Variants in TAFA5 observed in about 807,000 individuals in gnomAD.
TAFA5 encodes the protein TAFA chemokine like family member 5.
Under a neutral mutation model 15.3 loss-of-function variants are expected in TAFA5, and 6 were observed. The observed-to-expected ratio is 0.39, with a 90% confidence interval of 0.21 to 0.77. The LOEUF (loss-of-function observed/expected upper bound fraction) is 0.77. TAFA5 is among the 30% of genes least tolerant of loss of function. TAFA5 has a pLI of 0.41. For synonymous variants in TAFA5, 103 were observed against 80.7 expected (o/e 1.28, Z -1.48); for missense variants, 161 against 193.1 (o/e 0.83, Z 0.98).
At chr22:48,681,468 C>A (rs139387742) in intron 2 of TAFA5, among the ~76,000 whole-genome samples, 1 of 146,778 alleles carries the variant, frequency 6.8e-6, no homozygotes, top group African/African-American at 2.6e-5. Context: ...CACGGTGAAA[C>A]CCTGTCTCTA....
intron 2 of TAFA5, among the ~76,000 whole-genome samples, chr22:48,672,911 A>G (rs1439151094): frequency 6.6e-6 from 1 of 152,204 alleles, no homozygotes; most frequent in South Asian, 2.1e-4. Flanking sequence ...TTTCATCACT[A>G]TAAAGACCAC....
At position 48,566,916 on chromosome 22, in the gene TAFA5, T is replaced by C. The variant is rs1428499194; in HGVS notation, c.112+77212T>C. Among the ~76,000 whole-genome samples the C allele has an allele frequency of 6.6e-6, 1 of 152,142 alleles. No homozygotes were observed. Among genetic ancestry groups the C allele is most frequent in the Non-Finnish European group, 1.5e-5 (1 of 68,006 alleles). On this transcript the variant is annotated intron_variant, in intron 1 of 3. Transcript: ENST00000402357. The surrounding 1 kb of genome is among the most constrained non-coding windows in gnomAD (Gnocchi z 4.5). ...ATTTACGCCTGGGGCCGTCAGTGGG[T>C]TGGGTTTGTCCTTTCTCCTTTGCTC...
rs529899264 is a variant in TAFA5 at position 48,712,181 on chromosome 22, C to T, written c.390+4337C>T. ...AAGTGATTCTCCTGCCTCAGCTTCCCGAGTAGCTGGAATTACAGGCACCCA... is the reference window on the plus strand; with the variant it reads ...AAGTGATTCTCCTGCCTCAGCTTCCTGAGTAGCTGGAATTACAGGCACCCA... On this transcript the variant is annotated intron_variant, in intron 3 of 3. Coordinates refer to ENST00000402357, the MANE Select transcript of TAFA5 (RefSeq NM_001082967.3). Among the ~76,000 whole-genome samples, 321 of 152,308 alleles carry T rather than the reference C, an allele frequency of 2.1e-3. 3 individuals carry two copies. The highest frequency in any genetic ancestry group is 0.015 in the South Asian group (71 of 4,826).
At position 48,684,848 on chromosome 22, in the gene TAFA5, G is replaced by A. The variant is rs187062480; in HGVS notation, c.263-22869G>A. On this transcript the variant is annotated intron_variant, in intron 2 of 3. Coordinates refer to ENST00000402357, the MANE Select transcript of TAFA5 (RefSeq NM_001082967.3). ...GTGCCCGGCACTTACCTCTCGGGGTGCGGCTCCCAGAGGAGCTTCCCAGAG... is the reference window on the plus strand; with the variant it reads ...GTGCCCGGCACTTACCTCTCGGGGTACGGCTCCCAGAGGAGCTTCCCAGAG... Among the ~76,000 whole-genome samples, 492 of 152,332 alleles carry A rather than the reference G, an allele frequency of 3.2e-3. 3 individuals carry two copies. The highest frequency in any genetic ancestry group is 5.3e-3 in the Non-Finnish European group (362 of 68,030).
chr22:48,716,545 C>A (rs1293012329), intron 3 of TAFA5, among the ~76,000 whole-genome samples: 1 of 152,132 alleles, frequency 6.6e-6, no homozygotes, highest in Non-Finnish European at 1.5e-5. Context: ...GGAGGGAAAG[C>A]ATTAGGACAA....
Position 48,490,917 on chromosome 22 carries a change from C to G in TAFA5, c.112+1213C>G, listed in dbSNP as rs1367567936. ...GAGAGCACAGTGGCCCAGGGAGACC[C>G]GGGCAGCCGCGGGATCGGCCTCCGG... On this transcript the variant is annotated intron_variant, in intron 1 of 3. Transcript: ENST00000402357. The surrounding 1 kb of genome is among the most constrained non-coding windows in gnomAD (Gnocchi z 5.8). Among the ~76,000 whole-genome samples the G allele has an allele frequency of 6.6e-6, 1 of 152,162 alleles. No individual in the cohort carries two copies. The highest frequency in any genetic ancestry group is 1.5e-5 in the Non-Finnish European group (1 of 68,018).
In TAFA5 at chr22:48,524,601, C is replaced by A. The variant is rs560454644; in HGVS notation, c.112+34897C>A. On this transcript the variant is annotated intron_variant, in intron 1 of 3. Transcript: ENST00000402357. ...TGGAAGCTGGAGCCTCCGTCCACAG[C>A]CCACCCCTTTTAGGGGCCCCCACAT... Among the ~76,000 whole-genome samples the A allele has an allele frequency of 2.0e-5, 3 of 152,344 alleles. No homozygotes were observed. In the South Asian group the frequency reaches 6.2e-4, roughly 32 times the overall value.
chr22:48,707,637 C>T lies in TAFA5; in HGVS notation c.263-80C>T, dbSNP rs1290706531. The T allele has an allele frequency of 3.5e-5, 53 of 1,527,206 alleles. 2 individuals carry two copies. In the South Asian group the frequency reaches 6.2e-4, roughly 18 times the overall value. 94.6% of individuals were successfully genotyped at this position (1,527,206 alleles called of 1,614,324 possible). ...TGCCTGAGGGCCCCCCCAGCCAGTG[C>T]CAGGACCCAGGTGCCCTCAGCAACA... On this transcript the variant is annotated intron_variant, in intron 2 of 3. Transcript: ENST00000402357.
intron 2 of TAFA5, among the ~76,000 whole-genome samples, chr22:48,695,714 C>T (rs931539245): frequency 1.3e-5 from 2 of 152,112 alleles, no homozygotes; most frequent in African/African-American, 4.8e-5. Flanking sequence ...GGCAAGGGCA[C>T]CTGGCCAGGG....
intron 1 of TAFA5, chr22:48,544,314 C>G: frequency 3.9e-6 from 1 of 257,064 alleles, no homozygotes; most frequent in Admixed American, 4.6e-5. Flanking sequence ...CCTCCCCCTG[C>G]GTTGTCTGCC....
intron 2 of TAFA5, among the ~76,000 whole-genome samples, chr22:48,664,966 C>A (rs1193737229): frequency 6.6e-6 from 1 of 152,148 alleles, no homozygotes; most frequent in Non-Finnish European, 1.5e-5. Context: ...CTTGGAGTGG[C>A]AGGGCTGTGA....
At chr22:48,722,962 G>A (rs130193) in intron 3 of TAFA5, among the ~76,000 whole-genome samples, 62,162 of 151,908 alleles carry the variant, frequency 0.41, 13,504 homozygotes, top group Non-Finnish European at 0.48. Context: ...GGACTTGCAG[G>A]GGAGCCCGTC....
Position 48,640,661 on chromosome 22 carries a change from G to A in TAFA5, c.113-5936G>A, listed in dbSNP as rs111303806. ...GTGCAAGCTCCCCCAGCCACATGGC[G>A]CACAGATGGTGCCCGGCTCACACCT... On this transcript the variant is annotated intron_variant, in intron 1 of 3. Coordinates refer to ENST00000402357, the MANE Select transcript of TAFA5 (RefSeq NM_001082967.3). Among the ~76,000 whole-genome samples, 650 of 152,296 alleles carry A rather than the reference G, an allele frequency of 4.3e-3. 5 individuals carry two copies. Among genetic ancestry groups the A allele is most frequent in the African/African-American group, 0.015 (624 of 41,584 alleles).
At chr22:48,579,222 T>C (rs74929828) in intron 1 of TAFA5, among the ~76,000 whole-genome samples, 6,296 of 152,120 alleles carry the variant, frequency 0.041, 426 homozygotes, top group African/African-American at 0.14. Flanking sequence ...AATTGCAGCC[T>C]CGGTATGTCC....
intron 1 of TAFA5, among the ~76,000 whole-genome samples, chr22:48,561,628 G>C (rs1383250696): frequency 1.3e-5 from 2 of 152,188 alleles, no homozygotes. Context: ...GATGATGACG[G>C]TGGCCACGGC....
intron 1 of TAFA5, among the ~76,000 whole-genome samples, chr22:48,495,257 G>C (rs1928286653): frequency 2.0e-5 from 3 of 152,174 alleles, no homozygotes; most frequent in South Asian, 2.1e-4. Context: ...TGGCTTCCAG[G>C]GTATTCATTT....
intron 1 of TAFA5, among the ~76,000 whole-genome samples, chr22:48,525,687 A>AGCT (rs1340047889): frequency 2.6e-5 from 4 of 152,086 alleles, no homozygotes; most frequent in Non-Finnish European, 5.9e-5. Flanking sequence ...GGGCCCCAGA[A>AGCT]GCTGCTGCTG....
chr22:48,506,195 C>A (rs1920994705), intron 1 of TAFA5, among the ~76,000 whole-genome samples: 1 of 151,222 alleles, frequency 6.6e-6, no homozygotes, highest in African/African-American at 2.4e-5. Context: ...CACTTGTTCA[C>A]CCCTGGTCTC....
chr22:48,745,832 A>G (rs923992528), intron 3 of TAFA5, among the ~76,000 whole-genome samples: 1 of 152,148 alleles, frequency 6.6e-6, no homozygotes, highest in Non-Finnish European at 1.5e-5. Flanking sequence ...GCTTGGTGTC[A>G]GGCACCTCTC....
Sources: allele counts gnomAD v4.1 joint callset (sites outside exome capture counted in the v4.1 genomes callset), GRCh38; gene constraint gnomAD v4.1.1; non-coding constraint Gnocchi (gnomAD v3.1); transcripts MANE v1.5; gene names NCBI Gene and HGNC (gene_info 2026-07-23, HGNC 2026-07-21).